The following ZFAT variants were observed in gnomAD, a reference collection of about 807,000 sequenced individuals.
The protein encoded by ZFAT is zinc finger protein ZFAT.
Under a neutral mutation model 117.7 loss-of-function variants are expected in ZFAT, and 64 were observed. The ratio of observed to expected loss-of-function variants is 0.54; its 90% CI spans 0.44 to 0.67. The LOEUF (loss-of-function observed/expected upper bound fraction) is 0.67, where lower values mean the gene tolerates loss of function less well. ZFAT is among the 30% of genes least tolerant of loss of function. The pLI is 0.00. For synonymous variants in ZFAT, 679 were observed against 615.0 expected (o/e 1.10, Z -1.54); for missense variants, 1,433 against 1,584.5 (o/e 0.90, Z 1.62).
At chr8:134,492,766 T>C (rs1184592534) in intron 15 of ZFAT, among the ~76,000 whole-genome samples, 3 of 152,182 alleles carry the variant, frequency 2.0e-5, no homozygotes, top group Non-Finnish European at 4.4e-5. Flanking sequence ...AGAAAATGCA[T>C]AAATGAATGT....
chr8:134,704,479 C>A (rs1834095331), intron 1 of ZFAT, among the ~76,000 whole-genome samples: 1 of 152,220 alleles, frequency 6.6e-6, no homozygotes, highest in South Asian at 2.1e-4. Context: ...CCTCTCTGAA[C>A]TATTTCTCTA....
At chr8:134,565,260 C>T in intron 11 of ZFAT, 73 bp downstream of exon 11, 1 of 1,603,694 alleles carries the variant, frequency 6.2e-7, no homozygotes, top group Non-Finnish European at 8.5e-7. Context: ...AAAGAATGCT[C>T]TCTCCATCTT....
At chr8:134,502,704 G>A (rs1027650593) in intron 15 of ZFAT, among the ~76,000 whole-genome samples, 1 of 152,220 alleles carries the variant, frequency 6.6e-6, no homozygotes, top group Non-Finnish European at 1.5e-5. Context: ...TGGAGTTCCT[G>A]CTTGGTTTTC....
intron 1 of ZFAT, among the ~76,000 whole-genome samples, chr8:134,663,917 C>A (rs1240623442): frequency 6.6e-6 from 1 of 152,174 alleles, no homozygotes; most frequent in Admixed American, 6.5e-5. Flanking sequence ...ATGTCCCCAG[C>A]CTGGCACATG....
intron 11 of ZFAT, among the ~76,000 whole-genome samples, chr8:134,553,249 TA>T (rs985139203): frequency 1.1e-4 from 16 of 152,202 alleles, no homozygotes; most frequent in Non-Finnish European, 2.1e-4. Flanking sequence ...CTCATGCCTG[TA>T]ATCCCAACAC....
At chr8:134,627,900 A>G (rs1008232127) in intron 3 of ZFAT, among the ~76,000 whole-genome samples, 13 of 152,178 alleles carry the variant, frequency 8.5e-5, no homozygotes, top group African/African-American at 3.1e-4. Flanking sequence ...ATGTGTCCCT[A>G]TTCTGTCCAC....
At chr8:134,677,022 T>G (rs1340973291) in intron 1 of ZFAT, among the ~76,000 whole-genome samples, 2 of 151,912 alleles carry the variant, frequency 1.3e-5, no homozygotes, top group Admixed American at 1.3e-4. Flanking sequence ...CACCCTAACA[T>G]CACAATTAAA....
In ZFAT at chr8:134,633,609, A is replaced by G. The variant is rs192953834; in HGVS notation, c.448+3852T>C. On this transcript the variant is annotated intron_variant, in intron 3 of 15. Transcript: ENST00000377838. ...AACACTGTTTTGGGTAAGGACACAC[A>G]GCAAAGCAGTCAAAAGCACAGACCC... Among the ~76,000 whole-genome samples, 115 of 152,368 alleles carry G rather than the reference A, an allele frequency of 7.5e-4. 1 individual carries two copies. The highest frequency in any genetic ancestry group is 2.3e-3 in the African/African-American group (94 of 41,588).
rs921402357 is a variant in ZFAT, at chr8:134,595,749, G to A, written c.2475+4687C>T. Among the ~76,000 whole-genome samples the A allele has an allele frequency of 2.0e-5, 3 of 152,278 alleles. No homozygotes were observed. The East Asian group carries it at 5.8e-4, about 29-fold the overall frequency. Reference sequence around the variant, plus strand: ...TTACTAATTGGAAGAAGGAGGTAGTGGGAAGAAACTTTGTTAAAGGTACAC... The same window carrying A: ...TTACTAATTGGAAGAAGGAGGTAGTAGGAAGAAACTTTGTTAAAGGTACAC... On this transcript the variant is annotated intron_variant, in intron 7 of 15. Coordinates refer to ENST00000377838, the MANE Select transcript of ZFAT (RefSeq NM_020863.4).
intron 1 of ZFAT, among the ~76,000 whole-genome samples, chr8:134,660,190 G>C (rs1429503974): frequency 6.6e-6 from 1 of 152,174 alleles, no homozygotes; most frequent in Non-Finnish European, 1.5e-5. Flanking sequence ...TCCAAAGGTA[G>C]GAAACTGAGG....
chr8:134,627,493 G>A (rs886671127), intron 3 of ZFAT, among the ~76,000 whole-genome samples: 2 of 152,158 alleles, frequency 1.3e-5, no homozygotes, highest in African/African-American at 4.8e-5. Context: ...TGAAAAGCAG[G>A]AGAGCAGGAG....
At chr8:134,727,218 C>T in the ZFAT span, among the ~76,000 whole-genome samples, 1 of 151,810 alleles carries the variant, frequency 6.6e-6, no homozygotes, top group Non-Finnish European at 1.5e-5. Context: ...AGTGGGTGAG[C>T]AGGAAAGGTC....
chr8:134,792,235 A>G, the ZFAT span: 1 of 152,204 alleles, frequency 6.6e-6, no homozygotes. Flanking sequence ...TTGTATTGGG[A>G]ATAATTTTCT....
the ZFAT span, among the ~76,000 whole-genome samples, chr8:134,757,097 ACCTCTGCCTCCCGGGTTCAAGCACTTCT>A: frequency 6.9e-6 from 1 of 144,792 alleles, no homozygotes; most frequent in African/African-American, 2.6e-5. Context: ...GCTCACTGCA[ACCTCTGCCTCCCGGGTTCAAGCACTTCT>A]CCTGCCTCAG....
intron 1 of ZFAT, among the ~76,000 whole-genome samples, chr8:134,669,437 A>T (rs969903398): frequency 1.2e-4 from 19 of 152,246 alleles, no homozygotes; most frequent in Non-Finnish European, 2.5e-4. Context: ...AAGAGAGTGG[A>T]AGCCAATATT....
At chr8:134,735,919 G>A in the ZFAT span, among the ~76,000 whole-genome samples, 4 of 152,104 alleles carry the variant, frequency 2.6e-5, no homozygotes, top group Non-Finnish European at 5.9e-5. Flanking sequence ...TAACATTATT[G>A]AATATTACCT....
At chr8:134,712,778 G>A (rs955749837) in intron 1 of ZFAT, 67 bp downstream of exon 1, 2 of 1,413,486 alleles carry the variant, frequency 1.4e-6, no homozygotes, top group South Asian at 1.3e-5. Context: ...CGCTCGAAAC[G>A]GCTTTCCGCG....
intron 11 of ZFAT, among the ~76,000 whole-genome samples, chr8:134,558,629 C>T (rs758282400): frequency 1.7e-4 from 26 of 152,116 alleles, no homozygotes; most frequent in African/African-American, 5.5e-4. Context: ...GTAATCTCAT[C>T]GAAAAGTATA....
chr8:134,712,878 G>T lies in ZFAT; in HGVS notation c.-15C>A. 1 of 1,222,084 alleles carries T rather than the reference G, an allele frequency of 8.2e-7. No homozygotes were observed. Among genetic ancestry groups the T allele is most frequent in the Non-Finnish European group, 1.0e-6 (1 of 959,120 alleles). The allele number at this position is 1,222,084 out of a possible 1,614,324, so 75.7% of individuals were successfully genotyped here. On this transcript the variant is annotated 5_prime_UTR_variant, in exon 1 of 16. Coordinates refer to ENST00000377838, the MANE Select transcript of ZFAT (RefSeq NM_020863.4). Reference sequence around the variant, plus strand: ...CGCGTCTCCATGGCAACGCCCCACCGCGGAGGAAAAAAAAGCCTCGGGCTC... The same window carrying T: ...CGCGTCTCCATGGCAACGCCCCACCTCGGAGGAAAAAAAAGCCTCGGGCTC...
Sources: allele counts gnomAD v4.1 joint callset (sites outside exome capture counted in the v4.1 genomes callset), GRCh38; gene constraint gnomAD v4.1.1; transcripts MANE v1.5; gene names NCBI Gene and HGNC (gene_info 2026-07-23, HGNC 2026-07-21).